Variants in DNAJC8 observed in about 807,000 individuals in gnomAD.
DNAJC8 encodes the protein dnaJ homolog subfamily C member 8.
DNAJC8 carries 24 observed loss-of-function variants against 43.2 expected under a neutral mutation model. The ratio of observed to expected loss-of-function variants is 0.56; its 90% CI spans 0.40 to 0.78. DNAJC8 has a LOEUF of 0.78. DNAJC8 is among the 30% of genes least tolerant of loss of function. DNAJC8 has a pLI of 0.00. For synonymous variants in DNAJC8, 83 were observed against 98.0 expected, an observed-to-expected ratio of 0.85 and a Z score of 0.90; for missense variants, 207 against 299.4, an observed-to-expected ratio of 0.69 and a Z score of 2.28.
At chr1:28,203,358 T>A (rs1646749405) in intron 8 of DNAJC8, among the ~76,000 whole-genome samples, 1 of 152,146 alleles carries the variant, frequency 6.6e-6, no homozygotes, top group African/African-American at 2.4e-5. Flanking sequence ...AACTTCAGCA[T>A]CTACTAACAG....
In DNAJC8 at chr1:28,225,434, T is replaced by C. The variant is rs558559662; in HGVS notation, c.180+3488A>G. ...AGAAAACAGATGAACCTTGAAAATA[T>C]CATGCTAAGTGAAATAAGCCAGACA... is the stretch of plus-strand genomic sequence containing the variant. On this transcript the variant is annotated intron_variant, in intron 2 of 8. Coordinates refer to ENST00000263697, the MANE Select transcript of DNAJC8 (RefSeq NM_014280.3). Among the ~76,000 whole-genome samples, 5 of 151,488 alleles carry C rather than the reference T, an allele frequency of 3.3e-5. No homozygotes were observed. The South Asian group carries it at 6.3e-4, about 19-fold the overall frequency.
Position 28,229,086 on chromosome 1 carries a change from C to T in DNAJC8, c.79-63G>A, listed in dbSNP as rs1007807992. 28 of 1,350,842 alleles carry T rather than the reference C, an allele frequency of 2.1e-5. 2 individuals carry two copies. Among genetic ancestry groups the T allele is most frequent in the South Asian group, 1.8e-4 (15 of 82,844 alleles). The allele number at this position is 1,350,842 out of a possible 1,614,324, so 83.7% of individuals were successfully genotyped here. A position where few individuals can be genotyped will look rare whatever the true frequency, so the allele number is the denominator to read the frequency against. ...TCAATAACAAACTGAATTATCTTAA[C>T]AAAATGTTCACTGATATGTTCAACA... is the stretch of plus-strand genomic sequence containing the variant. On this transcript the variant is annotated intron_variant, in intron 1 of 8. Transcript: ENST00000263697.
chr1:28,201,982 C>T (rs923226593), intron 8 of DNAJC8, among the ~76,000 whole-genome samples: 4 of 151,654 alleles, frequency 2.6e-5, no homozygotes, highest in Non-Finnish European at 4.4e-5. Context: ...CCCAGCTACT[C>T]GGGAGGCTGA....
At chr1:28,219,440 C>T (rs755408431) in intron 2 of DNAJC8, among the ~76,000 whole-genome samples, 2 of 152,078 alleles carry the variant, frequency 1.3e-5, no homozygotes, top group Non-Finnish European at 2.9e-5. Context: ...ACCCGGGAGG[C>T]GGTGCTTGCA....
intron 6 of DNAJC8, among the ~76,000 whole-genome samples, chr1:28,206,466 G>A (rs1369694694): frequency 6.6e-6 from 1 of 152,110 alleles, no homozygotes; most frequent in Admixed American, 6.6e-5. Context: ...AGCCTAGGAG[G>A]TCAAGGCTGC....
chr1:28,212,211 ATAT>A (rs1646818847), intron 3 of DNAJC8, among the ~76,000 whole-genome samples: 1 of 115,678 alleles, frequency 8.6e-6, no homozygotes, highest in African/African-American at 3.3e-5. Flanking sequence ...ATATATATAT[ATAT>A]AAATGAAATT....
rs558205124 is a variant in DNAJC8, at chr1:28,203,262, A to C, written c.639+485T>G. Among the ~76,000 whole-genome samples the C allele has an allele frequency of 2.0e-5, 3 of 152,262 alleles. No individual in the cohort carries two copies. The South Asian group carries it at 6.2e-4, about 32-fold the overall frequency. ...GTTGCCACAATCCTTCTGTCCAACC[A>C]CCTGAAGCATATAACCAGGGTGTCA... On this transcript the variant is annotated intron_variant, in intron 8 of 8. Coordinates refer to ENST00000263697, the MANE Select transcript of DNAJC8 (RefSeq NM_014280.3).
intron 8 of DNAJC8, among the ~76,000 whole-genome samples, chr1:28,202,374 G>A (rs1442548358): frequency 6.6e-6 from 1 of 151,894 alleles, no homozygotes; most frequent in Non-Finnish European, 1.5e-5. Context: ...CTGCCTCCCG[G>A]GTTCACATCA....
Position 28,226,945 on chromosome 1 carries a change from A to C in DNAJC8, c.180+1977T>G, listed in dbSNP as rs190572168. On this transcript the variant is annotated intron_variant, in intron 2 of 8. Transcript: ENST00000263697. ...TCATCTTCATATAGCCTTATAACTC[A>C]TTTGTACTATTCCATTTTCCTCTGT... is the stretch of plus-strand genomic sequence containing the variant. Among the ~76,000 whole-genome samples the C allele has an allele frequency of 7.3e-5, 11 of 150,772 alleles. No individual in the cohort carries two copies. The East Asian group carries it at 2.1e-3, about 29-fold the overall frequency.
chr1:28,213,028 T>C (rs1390897184), intron 3 of DNAJC8, among the ~76,000 whole-genome samples: 4 of 152,236 alleles, frequency 2.6e-5, no homozygotes, highest in Non-Finnish European at 5.9e-5. Context: ...AAATGCCTTC[T>C]GTGTAATACA....
intron 2 of DNAJC8, among the ~76,000 whole-genome samples, chr1:28,227,983 T>G (rs933461076): frequency 1.3e-5 from 2 of 152,220 alleles, no homozygotes; most frequent in African/African-American, 4.8e-5. Context: ...TAAAATCTTG[T>G]GATCTTTGTT....
At chr1:28,204,164 T>C (rs998499321) in intron 7 of DNAJC8, among the ~76,000 whole-genome samples, 2 of 152,206 alleles carry the variant, frequency 1.3e-5, no homozygotes, top group African/African-American at 4.8e-5. Flanking sequence ...ATGACCATTA[T>C]AAAGCCAAAG....
chr1:28,226,748 T>C (rs954010875), intron 2 of DNAJC8, among the ~76,000 whole-genome samples: 5 of 151,342 alleles, frequency 3.3e-5, no homozygotes, highest in Non-Finnish European at 5.9e-5. Context: ...GCCAAATTTA[T>C]GCACAAATCT....
intron 3 of DNAJC8, among the ~76,000 whole-genome samples, chr1:28,211,260 A>G (rs1646808986): frequency 6.6e-6 from 1 of 152,206 alleles, no homozygotes; most frequent in Non-Finnish European, 1.5e-5. Flanking sequence ...AAAGGTATCA[A>G]GTTCCTATTA....
chr1:28,231,643 A>G (rs1264745234), intron 1 of DNAJC8, among the ~76,000 whole-genome samples: 1 of 151,760 alleles, frequency 6.6e-6, no homozygotes, highest in Non-Finnish European at 1.5e-5. Flanking sequence ...TGAACCAGGG[A>G]GGCAGAGGTT....
chr1:28,231,182 G>T (rs1646971675), intron 1 of DNAJC8, among the ~76,000 whole-genome samples: 2 of 151,796 alleles, frequency 1.3e-5, no homozygotes, highest in African/African-American at 4.8e-5. Context: ...ACCAGCCTGG[G>T]CAACACAACA....
At chr1:28,211,585 G>A (rs1011996049) in intron 3 of DNAJC8, among the ~76,000 whole-genome samples, 1 of 152,234 alleles carries the variant, frequency 6.6e-6, no homozygotes, top group African/African-American at 2.4e-5. Context: ...CATTCTGCCT[G>A]TGCTCCAACC....
chr1:28,212,210 T>TATATATATATATA (rs1557708014), intron 3 of DNAJC8, among the ~76,000 whole-genome samples: 5 of 109,494 alleles, frequency 4.6e-5, no homozygotes, highest in Non-Finnish European at 7.5e-5. Context: ...TATATATATA[T>TATATATATATATA]ATATAAATGA....
In DNAJC8 at chr1:28,205,003, C is replaced by T. The variant is rs185142099; in HGVS notation, c.563+255G>A. ...GCACCACTGCATTCCAGCCTGGCTA[C>T]AGAGCAAGACTGTGTCTCAAAAAAA... On this transcript the variant is annotated intron_variant, in intron 7 of 8. Coordinates refer to ENST00000263697, the MANE Select transcript of DNAJC8 (RefSeq NM_014280.3). 9.0e-4 allele frequency among the ~76,000 whole-genome samples: 137 copies of T among 152,208 alleles called. 1 individual carries two copies. The Middle Eastern group carries it at 0.01, about 11-fold the overall frequency.
Sources: gnomAD v4.1 joint callset for allele counts (sites outside exome capture counted in the v4.1 genomes callset) on GRCh38, gnomAD v4.1.1 for gene constraint, MANE v1.5 for transcripts, NCBI Gene and HGNC (gene_info 2026-07-23, HGNC 2026-07-21) for gene names.